The following GSTM2 variants were observed in gnomAD, a reference collection of about 807,000 sequenced individuals.
GSTM2 encodes GST class-mu 2.
In GSTM2, 33 loss-of-function variants were observed where a neutral mutation model predicts 33.3. The observed-to-expected ratio is 0.99, with a 90% CI of 0.75 to 1.33. The LOEUF (loss-of-function observed/expected upper bound fraction) is 1.33. Ranked by LOEUF, GSTM2 falls within the 40% of genes most tolerant of loss-of-function variation. GSTM2 has a pLI of 0.00. For missense variants in GSTM2, 213 were observed against 265.8 expected, an observed-to-expected ratio of 0.80 and a Z score of 1.38; for synonymous variants, 93 against 95.6, an observed-to-expected ratio of 0.97 and a Z score of 0.16.
At position 109,669,028 on chromosome 1, in the gene GSTM2, G is replaced by A. The variant is rs188487928; in HGVS notation, c.177+39G>A. The stretch of plus-strand genomic sequence containing the variant: ...AAGGGGCGGTTTTGGGGGAAAGTGC[G>A]ACGTGTCTCTGACTGCATCTCCTCT... On this transcript the variant is annotated intron_variant, in intron 3 of 7. Coordinates refer to ENST00000241337, the MANE Select transcript of GSTM2 (RefSeq NM_000848.4). 6,360 of 1,600,246 alleles carry A rather than the reference G, an allele frequency of 4.0e-3. 16 individuals are homozygous for A. Among genetic ancestry groups the A allele is most frequent in the Non-Finnish European group, 4.8e-3 (5,620 of 1,169,404 alleles).
chr1:109,669,562 C>T lies in GSTM2; in HGVS notation c.351C>T (p.Asp117=), dbSNP rs778933712. 3.7e-6 allele frequency: 6 copies of T among 1,601,420 alleles called. No homozygotes were observed. Among genetic ancestry groups the T allele is most frequent in the Non-Finnish European group, 5.1e-6 (6 of 1,168,904 alleles). ...SRMQLAKLCY[D]PDFEKLKPEY... The stretch of plus-strand genomic sequence containing the variant: ...TGCAGCTGGCCAAACTCTGCTATGA[C>T]CCAGATTTTGTAAGTCCCCCCACCC... The change falls in exon 5 of 8, where the codon GAC becomes GAT. Residue 117 remains aspartate (D), a synonymous_variant. Transcript: ENST00000241337.
At chr1:109,671,037 G>A (rs933171821) in intron 5 of GSTM2, 7 of 487,782 alleles carry the variant, frequency 1.4e-5, no homozygotes, top group Non-Finnish European at 2.6e-5. Flanking sequence ...TGGGAGGTCA[G>A]TGGGGACAGA....
At chr1:109,671,415 T>C in intron 6 of GSTM2, 33 bp downstream of exon 6, 5 of 1,577,516 alleles carry the variant, frequency 3.2e-6, no homozygotes, top group Non-Finnish European at 3.5e-6. Context: ...ACACCACAGA[T>C]TTGTCATACT....
In GSTM2 at chr1:109,668,139, G is replaced by C; in HGVS notation, c.24G>C (p.Trp8Cys). Residue 8 changes from tryptophan (W) to cysteine (C), a missense_variant, in exon 1 of 8, where the codon TGG becomes TGC. Trp to Cys is a radical substitution (Grantham distance 215). Coordinates refer to ENST00000241337, the MANE Select transcript of GSTM2 (RefSeq NM_000848.4). MPMTLGY[W>C]NIRGLAHSIR... ...CCATGCCCATGACACTGGGGTACTGGAACATCCGCGGGGTGAGCCAGGGTC... is the reference window on the plus strand; with the variant it reads ...CCATGCCCATGACACTGGGGTACTGCAACATCCGCGGGGTGAGCCAGGGTC... 1.2e-6 allele frequency: 2 copies of C among 1,612,180 alleles called. No individual in the cohort carries two copies. Among genetic ancestry groups the C allele is most frequent in the South Asian group, 2.2e-5 (2 of 91,068 alleles).
intron 5 of GSTM2, 74 bp downstream of exon 5, chr1:109,669,645 C>A: frequency 1.0e-6 from 1 of 956,294 alleles, no homozygotes; most frequent in Non-Finnish European, 1.6e-6. Context: ...GAGTTTGTGT[C>A]CAAAATTGAT....
In GSTM2 at chr1:109,668,930, G is replaced by T. The variant is rs1647428732; in HGVS notation, c.118G>T (p.Asp40Tyr). The change falls in exon 3 of 8, where the codon GAT becomes TAT. Residue 40 changes from aspartate (D) to tyrosine (Y), a missense_variant. Physicochemically the swap from Asp to Tyr is radical, Grantham distance 160. Transcript: ENST00000241337. Reference sequence around the variant, plus strand: ...CTTCATCTTCCCCACCACAGCTCCTGATTATGACAGAAGCCAGTGGCTGAA... The same window carrying T: ...CTTCATCTTCCCCACCACAGCTCCTTATTATGACAGAAGCCAGTGGCTGAA... ...EKKYTMGDAP[D>Y]YDRSQWLNEK... The T allele has an allele frequency of 6.2e-7, 1 of 1,612,342 alleles. No homozygotes were observed. Among genetic ancestry groups the T allele is most frequent in the East Asian group, 2.2e-5 (1 of 44,886 alleles).
intron 5 of GSTM2, chr1:109,669,844 G>A (rs1647467325): frequency 9.1e-6 from 4 of 441,272 alleles, no homozygotes; most frequent in South Asian, 6.3e-5. Context: ...GCAGACCTTC[G>A]CAGTGAGTGC....
At chr1:109,678,281 A>G (rs1451493710), downstream of GSTM2, among the ~76,000 whole-genome samples, 2 of 152,056 alleles carry the variant, frequency 1.3e-5, no homozygotes, top group Non-Finnish European at 2.9e-5. Flanking sequence ...AGTAGCTGGG[A>G]CTACAGGCAT....
At chr1:109,680,536 AATTC>A (rs1335885083) in intron 7 of GSTM2, among the ~76,000 whole-genome samples, 81 of 121,068 alleles carry the variant, frequency 6.7e-4, no homozygotes, top group Non-Finnish European at 1.2e-3. Flanking sequence ...ACATTTTGCT[AATTC>A]ATTTTGGGTG....
At chr1:109,668,751 G>T (rs1035501558) in intron 2 of GSTM2, 174 bp from the exon 3 acceptor site, 10 of 861,892 alleles carry the variant, frequency 1.2e-5, no homozygotes, top group Non-Finnish European at 1.9e-5. Context: ...GCTGTGTGGG[G>T]TCCAGAGCCC....
intron 2 of GSTM2, 168 bp downstream of exon 2, chr1:109,668,668 C>G (rs1275943015): frequency 3.4e-6 from 3 of 875,080 alleles, no homozygotes; most frequent in Non-Finnish European, 3.7e-6. Context: ...AATGCTGGGG[C>G]GGGATGCTGG....
chr1:109,674,461 G>C (rs1465440831), intron 7 of GSTM2, among the ~76,000 whole-genome samples: 4 of 152,242 alleles, frequency 2.6e-5, no homozygotes, highest in Admixed American at 2.6e-4. Context: ...TAGTCGAGTG[G>C]GTTTTCTAAG....
chr1:109,669,634 A>G, intron 5 of GSTM2, 63 bp downstream of exon 5: 2 of 1,054,738 alleles, frequency 1.9e-6, no homozygotes, highest in Admixed American at 2.0e-5. Context: ...CTTTCCCTGC[A>G]GAGTTTGTGT....
intron 7 of GSTM2, 49 bp downstream of exon 7, chr1:109,671,632 C>T: frequency 9.7e-7 from 1 of 1,034,010 alleles, no homozygotes; most frequent in Non-Finnish European, 1.5e-6. Flanking sequence ...TCCTTTCCCT[C>T]CTTTGTGATG....
At chr1:109,670,055 C>T (rs948404790) in intron 5 of GSTM2, 10 of 1,960 alleles carry the variant, frequency 5.1e-3, no homozygotes, top group Admixed American at 0.017. Context: ...TGGAAGACAA[C>T]CTGAGCAGGT....
intron 7 of GSTM2, among the ~76,000 whole-genome samples, chr1:109,672,545 G>C (rs676828): frequency 0.42 from 63,189 of 151,558 alleles, 14,808 homozygotes; most frequent in East Asian, 0.68. Context: ...AGGGCTCTCC[G>C]TTTTGTGACA....
chr1:109,679,152 ATT>A (rs931161230), downstream of GSTM2, among the ~76,000 whole-genome samples: 1 of 147,400 alleles, frequency 6.8e-6, no homozygotes. Flanking sequence ...TCATCTTATG[ATT>A]TTTTTTTTTT....
intron 5 of GSTM2, among the ~76,000 whole-genome samples, chr1:109,670,504 C>T (rs1647499110): frequency 6.6e-6 from 1 of 152,132 alleles, no homozygotes; most frequent in Non-Finnish European, 1.5e-5. Context: ...CAAATAAAAC[C>T]TCTAAATCAA....
chr1:109,671,421 ATAC>A (rs764725983), intron 6 of GSTM2, 39 bp downstream of exon 6: 1 of 1,576,532 alleles, frequency 6.3e-7, no homozygotes, highest in Admixed American at 1.7e-5. Context: ...CAGATTTGTC[ATAC>A]TTCCTATATT....
Sources: allele counts gnomAD v4.1 joint callset (sites outside exome capture counted in the v4.1 genomes callset), GRCh38; gene constraint gnomAD v4.1.1; transcripts MANE v1.5; gene names NCBI Gene and HGNC (gene_info 2026-07-23, HGNC 2026-07-21).